Variants in CCNL2 observed in about 807,000 individuals in gnomAD.
CCNL2 encodes the protein cyclin L2, also known as cyclin-L2.
A neutral mutation model predicts 59.1 loss-of-function variants in CCNL2; 28 were observed. That is an observed-to-expected ratio of 0.47 (90% CI 0.35 to 0.65). CCNL2 has a LOEUF of 0.65. CCNL2 is among the 30% of genes least tolerant of loss of function. CCNL2 has a pLI of 0.00. For synonymous variants in CCNL2, 342 were observed against 288.6 expected (o/e 1.19, Z -1.88); for missense variants, 714 against 717.4 (o/e 1.00, Z 0.05).
At chr1:1,390,401 A>C in intron 7 of CCNL2, 30 bp from the exon 8 acceptor site, 1 of 1,611,700 alleles carries the variant, frequency 6.2e-7, no homozygotes, top group Non-Finnish European at 8.5e-7. Context: ...TCCGTTCAGA[A>C]CCAGGTGTTT....
At chr1:1,388,364 T>G in intron 8 of CCNL2, 1 of 400,724 alleles carries the variant, frequency 2.5e-6, no homozygotes, top group East Asian at 6.1e-5. Flanking sequence ...CTACTAAAAC[T>G]ACAAAAATTA....
intron 5 of CCNL2, 67 bp from the exon 6 acceptor site, chr1:1,390,932 T>C (rs1476230034): frequency 1.5e-6 from 2 of 1,331,474 alleles, no homozygotes; most frequent in Middle Eastern, 1.8e-4. Flanking sequence ...GCCTGCATTA[T>C]CTAGAGAAAA....
intron 5 of CCNL2, chr1:1,391,529 T>C: frequency 7.7e-7 from 1 of 1,304,802 alleles, no homozygotes; most frequent in Non-Finnish European, 1.0e-6. Context: ...AGGCCTCTTC[T>C]CGGGCTCATC....
intron 5 of CCNL2, chr1:1,392,530 G>T (rs548354234): frequency 8.0e-6 from 11 of 1,367,276 alleles, no homozygotes; most frequent in Middle Eastern, 5.4e-4. Flanking sequence ...TATCATACAG[G>T]TACAGCAGTT....
At chr1:1,392,095 C>T (rs1262151326) in intron 5 of CCNL2, 2 of 170,216 alleles carry the variant, frequency 1.2e-5, no homozygotes, top group Admixed American at 6.2e-5. Flanking sequence ...GAAGCAGCTC[C>T]AGGCATCACG....
intron 5 of CCNL2, chr1:1,392,138 C>T: frequency 4.1e-6 from 1 of 244,514 alleles, no homozygotes; most frequent in Non-Finnish European, 6.6e-6. Flanking sequence ...GTGGCCCCAG[C>T]CCCTGATGCA....
Position 1,399,139 on chromosome 1 carries a change from G to T in CCNL2, c.168C>A (p.Asp56Glu). The T allele has an allele frequency of 6.2e-7, 1 of 1,612,348 alleles. No homozygotes were observed. The highest frequency in any genetic ancestry group is 1.1e-5 in the South Asian group (1 of 91,012). ...TGGACGGCGTGAAACGGAGCTTGTC[G>T]TCAGGCAGGAGGCAGTTCTCCAAGG... ...LITLENCLLP[D>E]DKLRFTPSMS... Residue 56 changes from aspartate (D) to glutamate (E), a missense_variant, in exon 1 of 11, where the codon GAC becomes GAA. Physicochemically the swap from Asp to Glu is conservative, Grantham distance 45. This residue lies in a region of CCNL2 where 270 missense variants were observed against 254.9 expected (regional missense o/e 1.06). Transcript: ENST00000400809.
chr1:1,390,988 C>T (rs1644734774), intron 5 of CCNL2, 123 bp from the exon 6 acceptor site: 2 of 896,882 alleles, frequency 2.2e-6, no homozygotes. Context: ...TGCTAGGACT[C>T]AGAGCTAGAC....
intron 4 of CCNL2, among the ~76,000 whole-genome samples, chr1:1,394,200 C>A (rs1405234183): frequency 6.6e-6 from 1 of 150,956 alleles, no homozygotes; most frequent in Non-Finnish European, 1.5e-5. Context: ...GAAAGCCGAA[C>A]AAGCAGATGA....
chr1:1,393,593 G>A, intron 4 of CCNL2, 133 bp from the exon 5 acceptor site: 1 of 757,110 alleles, frequency 1.3e-6, no homozygotes, highest in South Asian at 1.6e-5. Context: ...ACGTCTGGCG[G>A]ACGGCTCAGC....
At chr1:1,395,612 C>T (rs1399138821) in intron 3 of CCNL2, 98 bp from the exon 4 acceptor site, 31 of 1,522,948 alleles carry the variant, frequency 2.0e-5, no homozygotes, top group Non-Finnish European at 2.8e-5. Context: ...TAACACAAAC[C>T]CCACAACACA....
At position 1,386,939 on chromosome 1, in the gene CCNL2, A is replaced by C; in HGVS notation, c.*292T>G. On this transcript the variant is annotated 3_prime_UTR_variant, in exon 11 of 11. Transcript: ENST00000400809. Reference sequence around the variant, plus strand: ...AGGCCACGCCAACAAGGGCGTGTGCATTCACTTTTTCATTGAGCTGCCCTC... The same window carrying C: ...AGGCCACGCCAACAAGGGCGTGTGCCTTCACTTTTTCATTGAGCTGCCCTC... 1 of 366,240 alleles carries C rather than the reference A, an allele frequency of 2.7e-6. No homozygotes were observed. The highest frequency in any genetic ancestry group is 4.9e-6 in the Non-Finnish European group (1 of 203,340). The allele number at this position is 366,240 out of a possible 1,614,324, so 22.7% of individuals were successfully genotyped here.
chr1:1,388,155 G>A, intron 8 of CCNL2, 90 bp from the exon 9 acceptor site: 1 of 1,010,514 alleles, frequency 9.9e-7, no homozygotes, highest in Non-Finnish European at 1.5e-6. Flanking sequence ...CCCCTCTACA[G>A]GTCAAACAGC....
rs1009695754 is a variant in CCNL2, at chr1:1,390,238, G to C, written c.998C>G (p.Pro333Arg). The C allele has an allele frequency of 1.7e-5, 27 of 1,606,916 alleles. No homozygotes were observed. The Admixed American group carries it at 2.4e-4, about 14-fold the overall frequency. The change falls in exon 8 of 11, where the codon CCC (proline) becomes CGC (arginine). Residue 333 changes from proline to arginine, a missense_variant. Physicochemically the swap from Pro to Arg is moderately radical, Grantham distance 103. Coordinates refer to ENST00000400809, the MANE Select transcript of CCNL2 (RefSeq NM_030937.6). ...CACTCTAACAGACTCACCCAGCTTG[G>C]GGGCAGGAGAGAACCCCGAGGTACC... is the stretch of plus-strand genomic sequence containing the variant. The part of the protein sequence containing the change: ...LDGTSGFSPA[P>R]KLVESPKEGK...
intron 2 of CCNL2, 103 bp downstream of exon 2, chr1:1,398,494 G>A: frequency 2.5e-6 from 4 of 1,574,682 alleles, no homozygotes; most frequent in Non-Finnish European, 3.5e-6. Context: ...ACAGAGCTCA[G>A]ACTGGGGGGC....
rs754703350 is a variant in CCNL2, at chr1:1,387,294, C to T, written c.1500G>A (p.Ser500=). 3.3e-5 allele frequency: 53 copies of T among 1,613,142 alleles called. No homozygotes were observed. The highest frequency in any genetic ancestry group is 8.3e-5 in the Admixed American group (5 of 60,010). Reference sequence around the variant, plus strand: ...CATAGCGACGGCCTGTGCGTTCATACGACCTCGAGCGCTCTCGTCGCTGAT... The same window carrying T: ...CATAGCGACGGCCTGTGCGTTCATATGACCTCGAGCGCTCTCGTCGCTGAT... The part of the protein sequence containing the change: ...YRDQRRERSR[S]YERTGRRYER... The change falls in exon 11 of 11, where the codon TCG becomes TCA. Residue 500 remains serine (S), a synonymous_variant. Coordinates refer to ENST00000400809, the MANE Select transcript of CCNL2 (RefSeq NM_030937.6).
intron 3 of CCNL2, 85 bp downstream of exon 3, chr1:1,398,148 T>G: frequency 7.8e-7 from 1 of 1,282,878 alleles, no homozygotes; most frequent in Non-Finnish European, 1.1e-6. Flanking sequence ...AGGCCTGTAT[T>G]GTGTTATACA....
In CCNL2 at chr1:1,398,901, G is replaced by A. The variant is rs1436798571; in HGVS notation, c.288+118C>T. The A allele has an allele frequency of 4.2e-6, 6 of 1,433,170 alleles. No homozygotes were observed. The East Asian group carries it at 1.0e-4, about 24-fold the overall frequency. The allele number at this position is 1,433,170 out of a possible 1,614,324, so 88.8% of individuals were successfully genotyped here. A position where few individuals can be genotyped will look rare whatever the true frequency, so the allele number is the denominator to read the frequency against. On this transcript the variant is annotated intron_variant, in intron 1 of 10. Transcript: ENST00000400809. ...AGGGAATGGCGCCGAGGCTGGGGTC[G>A]GGGCAGGGGCTGGGGTCGGGGTCTA...
Position 1,387,510 on chromosome 1 carries a change from T to A in CCNL2, c.1284A>T (p.Pro428=), listed in dbSNP as rs577659961. The part of the protein sequence containing the change: ...QSRSRSRSDS[P]PRQAPRSAPY... Reference sequence around the variant, plus strand: ...GAGCGCTGCGGGGGGCCTGTCTCGGTGGGGAGTCACTCCTGCTCCGGGAGC... The same window carrying A: ...GAGCGCTGCGGGGGGCCTGTCTCGGAGGGGAGTCACTCCTGCTCCGGGAGC... The change falls in exon 11 of 11, where the codon CCA becomes CCT. Residue 428 remains proline, a synonymous_variant. Coordinates refer to ENST00000400809, the MANE Select transcript of CCNL2 (RefSeq NM_030937.6). 5 of 1,576,956 alleles carry A rather than the reference T, an allele frequency of 3.2e-6. No individual in the cohort carries two copies. In the East Asian group the frequency reaches 9.0e-5, roughly 28 times the overall value.
Sources: gnomAD v4.1 joint callset for allele counts (sites outside exome capture counted in the v4.1 genomes callset) on GRCh38, gnomAD v4.1.1 for gene constraint, gnomAD v4.1.1 regional missense constraint, MANE v1.5 for transcripts, NCBI Gene and HGNC (gene_info 2026-07-23, HGNC 2026-07-21) for gene names.